Variants in METTL25 observed in about 807,000 individuals in gnomAD.
METTL25 encodes probable methyltransferase-like protein 25.
Under a neutral mutation model 71.6 loss-of-function variants are expected in METTL25, and 64 were observed. The observed-to-expected ratio is 0.89, with a 90% CI of 0.73 to 1.10. METTL25 has a LOEUF of 1.10. Among genes scored for constraint, METTL25 ranks in the 50% least tolerant of loss-of-function variants. METTL25 has a pLI of 0.00. For synonymous variants in METTL25, 287 were observed against 250.3 expected (o/e 1.15, Z -1.38); for missense variants, 807 against 707.0 (o/e 1.14, Z -1.60).
chr12:82,416,096 G>C (rs1887961004), intron 5 of METTL25, among the ~76,000 whole-genome samples: 1 of 151,970 alleles, frequency 6.6e-6, no homozygotes, highest in East Asian at 1.9e-4. Flanking sequence ...TAGCAGTAGG[G>C]GCTCAGTCCA....
chr12:82,462,272 T>C (rs1206438208), intron 9 of METTL25, among the ~76,000 whole-genome samples: 1 of 152,206 alleles, frequency 6.6e-6, no homozygotes, highest in Non-Finnish European at 1.5e-5. Context: ...TACAAGACCA[T>C]GAATATACAG....
At chr12:82,369,465 G>C (rs1882956803) in intron 1 of METTL25, 1 of 450,392 alleles carries the variant, frequency 2.2e-6, no homozygotes, top group African/African-American at 2.0e-5. Context: ...AAGATGGTGT[G>C]TCCGGAGTTT....
intron 5 of METTL25, among the ~76,000 whole-genome samples, chr12:82,422,638 TAGAA>T (rs1888620488): frequency 1.3e-5 from 2 of 152,166 alleles, no homozygotes; most frequent in African/African-American, 4.8e-5. Context: ...ATTGTATATT[TAGAA>T]AACCCCATCA....
chr12:82,466,993 T>G lies in METTL25; in HGVS notation c.1573-9651T>G, dbSNP rs1407407670. ...TGGAGAGCCATGGCATGATCTTGGC[T>G]CCCAAAGTGCTGAGATAACAGGTGT... On this transcript the variant is annotated intron_variant, in intron 9 of 11. Transcript: ENST00000248306. Among the ~76,000 whole-genome samples the G allele has an allele frequency of 2.0e-5, 3 of 152,032 alleles. No homozygotes were observed. The East Asian group carries it at 5.8e-4, about 29-fold the overall frequency.
In METTL25 at chr12:82,406,512, T is replaced by TGG. The variant is rs577041513; in HGVS notation, c.1279+3382_1279+3383insGG. Among the ~76,000 whole-genome samples, 28 of 152,272 alleles carry TGG rather than the reference T, an allele frequency of 1.8e-4. No individual in the cohort carries two copies. The South Asian group carries it at 5.8e-3, about 32-fold the overall frequency. ...AGCACAGAGAACGTTGCTTTAGTCT[T>TGG]TTTCATTTTGCAAGGTGTTTAATAT... is the stretch of plus-strand genomic sequence containing the variant. On this transcript the variant is annotated intron_variant, in intron 5 of 11. Coordinates refer to ENST00000248306, the MANE Select transcript of METTL25 (RefSeq NM_032230.3).
At chr12:82,434,872 T>G in intron 7 of METTL25, 148 bp downstream of exon 7, 1 of 733,142 alleles carries the variant, frequency 1.4e-6, no homozygotes, top group Non-Finnish European at 2.3e-6. Flanking sequence ...TCTGTAAGTT[T>G]ACTTTAAAAG....
At chr12:82,361,139 T>A (rs572643253) in intron 1 of METTL25, among the ~76,000 whole-genome samples, 6 of 152,222 alleles carry the variant, frequency 3.9e-5, no homozygotes, top group Admixed American at 2.0e-4. Context: ...GATTGGTCCA[T>A]TTTGACAGGG....
chr12:82,450,923 A>G (rs1230887677), intron 8 of METTL25, among the ~76,000 whole-genome samples: 2 of 152,058 alleles, frequency 1.3e-5, no homozygotes, highest in African/African-American at 2.4e-5. Flanking sequence ...CTAACCTTTC[A>G]TATCTGCTTT....
intron 1 of METTL25, among the ~76,000 whole-genome samples, chr12:82,381,967 T>C (rs1884484403): frequency 6.6e-6 from 1 of 152,178 alleles, no homozygotes; most frequent in Admixed American, 6.5e-5. Flanking sequence ...GGTTTTCAAA[T>C]GAAGGACATT....
At chr12:82,441,078 A>G (rs1473410187) in intron 8 of METTL25, among the ~76,000 whole-genome samples, 2 of 152,048 alleles carry the variant, frequency 1.3e-5, no homozygotes, top group African/African-American at 4.8e-5. Flanking sequence ...AAGCCAAGTA[A>G]ACCACTCATA....
chr12:82,369,984 G>A (rs1269665120), intron 1 of METTL25, among the ~76,000 whole-genome samples: 1 of 152,082 alleles, frequency 6.6e-6, no homozygotes, highest in Non-Finnish European at 1.5e-5. Context: ...TAATCCTCTA[G>A]CTAGACAGAA....
intron 1 of METTL25, among the ~76,000 whole-genome samples, chr12:82,368,424 T>C (rs976818715): frequency 3.3e-5 from 5 of 152,178 alleles, no homozygotes; most frequent in African/African-American, 1.2e-4. Flanking sequence ...ACATTAGATC[T>C]GGCCATTTTG....
intron 9 of METTL25, among the ~76,000 whole-genome samples, chr12:82,461,734 A>G (rs1360510844): frequency 6.6e-6 from 1 of 152,244 alleles, no homozygotes; most frequent in African/African-American, 2.4e-5. Flanking sequence ...GGAATGATGA[A>G]TCTTACTAAA....
In METTL25 at chr12:82,358,656, C is replaced by T; in HGVS notation, c.91C>T (p.Leu31=). The stretch of plus-strand genomic sequence containing the variant: ...ACTGCTGCAGTTCCTGAGGGATGCC[C>T]TGTCCATTTCCAATGCACATACCGT... ...QGLLQFLRDA[L]SISNAHTVDF... The change falls in exon 1 of 12, where the codon CTG becomes TTG. Residue 31 remains leucine, a synonymous_variant. Coordinates refer to ENST00000248306, the MANE Select transcript of METTL25 (RefSeq NM_032230.3). 2.5e-6 allele frequency: 4 copies of T among 1,614,178 alleles called. No individual in the cohort carries two copies. Among genetic ancestry groups the T allele is most frequent in the Non-Finnish European group, 3.4e-6 (4 of 1,180,054 alleles).
chr12:82,435,520 A>C (rs878937426), intron 7 of METTL25, among the ~76,000 whole-genome samples: 1 of 151,426 alleles, frequency 6.6e-6, no homozygotes, highest in Admixed American at 6.6e-5. Flanking sequence ...TTTTGAAGGC[A>C]TTAGCGTTAG....
At chr12:82,478,667 T>A (rs73153578) in intron 11 of METTL25, among the ~76,000 whole-genome samples, 8,314 of 151,964 alleles carry the variant, frequency 0.055, 289 homozygotes, top group Middle Eastern at 0.11. Flanking sequence ...CTAATACTCA[T>A]TTGTGATTGG....
At chr12:82,434,609 C>A in intron 6 of METTL25, 86 bp from the exon 7 acceptor site, 1 of 1,059,624 alleles carries the variant, frequency 9.4e-7, no homozygotes, top group Non-Finnish European at 1.5e-6. Context: ...TTCTAAATGT[C>A]AGTTTTACAA....
intron 8 of METTL25, chr12:82,439,730 C>T: frequency 4.3e-6 from 1 of 234,362 alleles, no homozygotes; most frequent in Non-Finnish European, 7.0e-6. Flanking sequence ...TTCATGTGCT[C>T]CTGAAAACTA....
chr12:82,467,226 C>T (rs557279352), intron 9 of METTL25, among the ~76,000 whole-genome samples: 214 of 151,626 alleles, frequency 1.4e-3, no homozygotes, highest in African/African-American at 4.6e-3. Context: ...ATACTTACTT[C>T]TGGCATTTTA....
Sources: allele counts gnomAD v4.1 joint callset (sites outside exome capture counted in the v4.1 genomes callset), GRCh38; gene constraint gnomAD v4.1.1; transcripts MANE v1.5; gene names NCBI Gene and HGNC (gene_info 2026-07-23, HGNC 2026-07-21).